The following JDP2 variants were observed in gnomAD, a reference collection of about 807,000 sequenced individuals.
JDP2 encodes the protein Jun dimerization protein 2, also known as progesterone receptor co-activator.
In JDP2, 9 loss-of-function variants were observed where a neutral mutation model predicts 17.1. The observed-to-expected ratio is 0.53, with a 90% CI of 0.32 to 0.92. The LOEUF (loss-of-function observed/expected upper bound fraction) is 0.92, where lower values mean the gene tolerates loss of function less well. JDP2 is among the 40% of genes least tolerant of loss of function. JDP2 has a pLI of 0.04. For missense variants in JDP2, 179 were observed against 220.0 expected (o/e 0.81, Z 1.18); for synonymous variants, 107 against 95.6 (o/e 1.12, Z -0.69).
intron 2 of JDP2, among the ~76,000 whole-genome samples, chr14:75,457,473 G>C (rs1886163245): frequency 6.6e-6 from 1 of 152,256 alleles, no homozygotes; most frequent in African/African-American, 2.4e-5. Context: ...CTTAACAGCT[G>C]TTTTCTACAC....
chr14:75,444,007 A>G (rs1885480648), intron 2 of JDP2, among the ~76,000 whole-genome samples: 1 of 152,038 alleles, frequency 6.6e-6, no homozygotes, highest in South Asian at 2.1e-4. Context: ...AGCTCAAGAA[A>G]TCCTCTCACC....
intron 2 of JDP2, among the ~76,000 whole-genome samples, chr14:75,454,190 T>C (rs1262390231): frequency 6.9e-5 from 3 of 43,608 alleles, no homozygotes; most frequent in African/African-American, 4.2e-4. Context: ...CTTTAAACCA[T>C]GGAGCTTGAA....
rs767129038 is a variant in JDP2, at chr14:75,469,516, G to C, written c.*41G>C. 1.3e-6 allele frequency: 2 copies of C among 1,590,526 alleles called. No homozygotes were observed. The highest frequency in any genetic ancestry group is 1.8e-5 in the Admixed American group (1 of 57,100). ...AGGTGGAGGAGGAGGAAGAGGAGAAGGAAAAGTGACGAAGAGAGAGGAGGA... is the reference window on the plus strand; with the variant it reads ...AGGTGGAGGAGGAGGAAGAGGAGAACGAAAAGTGACGAAGAGAGAGGAGGA... On this transcript the variant is annotated 3_prime_UTR_variant, in exon 4 of 4. Coordinates refer to ENST00000651602, the MANE Select transcript of JDP2 (RefSeq NM_001135048.2).
At position 75,441,257 on chromosome 14, in the gene JDP2, G is replaced by T. The variant is rs564925212; in HGVS notation, c.201+3136G>T. The stretch of plus-strand genomic sequence containing the variant: ...GCAGTCTCCTGGGCTCTGTCCAAAC[G>T]CATGGAGCAATTCAGTAAAAGAAAA... On this transcript the variant is annotated intron_variant, in intron 2 of 3. Coordinates refer to ENST00000651602, the MANE Select transcript of JDP2 (RefSeq NM_001135048.2). Among the ~76,000 whole-genome samples the T allele has an allele frequency of 6.6e-5, 10 of 152,284 alleles. No individual in the cohort carries two copies. The East Asian group carries it at 9.6e-4, about 15-fold the overall frequency.
At position 75,469,635 on chromosome 14, in the gene JDP2, A is replaced by T; in HGVS notation, c.*160A>T. On this transcript the variant is annotated 3_prime_UTR_variant, in exon 4 of 4. Coordinates refer to ENST00000651602, the MANE Select transcript of JDP2 (RefSeq NM_001135048.2). Reference sequence around the variant, plus strand: ...TCAGCCGAGCTTTTTTGTGAAACTCAGATCAGCCACCCAGGAGGAAGAGCG... The same window carrying T: ...TCAGCCGAGCTTTTTTGTGAAACTCTGATCAGCCACCCAGGAGGAAGAGCG... 1 of 650,720 alleles carries T rather than the reference A, an allele frequency of 1.5e-6. No individual in the cohort carries two copies. The highest frequency in any genetic ancestry group is 2.6e-6 in the Non-Finnish European group (1 of 386,446). 40.3% of individuals were successfully genotyped at this position (650,720 alleles called of 1,614,324 possible).
chr14:75,437,104 G>T (rs1885097544), intron 1 of JDP2, among the ~76,000 whole-genome samples: 1 of 145,726 alleles, frequency 6.9e-6, no homozygotes, highest in African/African-American at 2.6e-5. Context: ...TGAGACAGGA[G>T]AATTGCTTGA....
chr14:75,435,223 G>T (rs1336325040), intron 1 of JDP2, among the ~76,000 whole-genome samples: 1 of 152,234 alleles, frequency 6.6e-6, no homozygotes, highest in Non-Finnish European at 1.5e-5. Context: ...CTGCATTGCA[G>T]GTTCCATTCC....
At position 75,473,984 on chromosome 14, in the gene JDP2, C is replaced by T. The variant is rs938409295; in HGVS notation, c.*4509C>T. On this transcript the variant is annotated 3_prime_UTR_variant, in exon 4 of 4. Coordinates refer to ENST00000651602, the MANE Select transcript of JDP2 (RefSeq NM_001135048.2). Reference sequence around the variant, plus strand: ...CATTTCATTTATTTTTTTAAAATCCCCATCAAATGTAGAATGACAGGATTT... The same window carrying T: ...CATTTCATTTATTTTTTTAAAATCCTCATCAAATGTAGAATGACAGGATTT... The T allele has an allele frequency of 1.3e-5, 2 of 152,152 alleles. No homozygotes were observed. The highest frequency in any genetic ancestry group is 4.8e-5 in the African/African-American group (2 of 41,426). The allele number at this position is 152,152 out of a possible 1,614,324, so 9.4% of individuals were successfully genotyped here.
At chr14:75,432,233 G>A (rs568150351) in intron 1 of JDP2, 98 of 1,315,664 alleles carry the variant, frequency 7.4e-5, no homozygotes, top group East Asian at 2.5e-4. Flanking sequence ...TTTGGAAGCC[G>A]CGTGACCTAC....
Position 75,454,202 on chromosome 14 carries a change from G to A in JDP2, c.202-7224G>A, listed in dbSNP as rs150894815. Among the ~76,000 whole-genome samples the A allele has an allele frequency of 7.4e-3, 678 of 91,996 alleles. 3 individuals are homozygous for A. The highest frequency in any genetic ancestry group is 0.011 in the Non-Finnish European group (518 of 46,122). 60.4% of individuals were successfully genotyped at this position (91,996 alleles called of 152,430 possible). A position where few individuals can be genotyped will look rare whatever the true frequency, so the allele number is the denominator to read the frequency against. On this transcript the variant is annotated intron_variant, in intron 2 of 3. Transcript: ENST00000651602. ...CTCCTTTAAACCATGGAGCTTGAAT[G>A]TTACACCTTCATGTAAATTGTGCAA...
chr14:75,461,456 C>T lies in JDP2; in HGVS notation c.232C>T (p.Arg78Cys), dbSNP rs374893446. 9 of 1,609,360 alleles carry T rather than the reference C, an allele frequency of 5.6e-6. No homozygotes were observed. Among genetic ancestry groups the T allele is most frequent in the African/African-American group, 1.3e-5 (1 of 74,886 alleles). ...TGAGGAAGAGGAGCGAAGGAAAAGGCGCCGGGAGAAGAACAAAGTCGCAGC... is the reference window on the plus strand; with the variant it reads ...TGAGGAAGAGGAGCGAAGGAAAAGGTGCCGGGAGAAGAACAAAGTCGCAGC... ...LDEEEERRKR[R>C]REKNKVAAAR... The change falls in exon 3 of 4, where the codon CGC (arginine) becomes TGC (cysteine). Residue 78 changes from arginine to cysteine, a missense_variant. By Grantham distance (180) the Arg-to-Cys change is radical. Coordinates refer to ENST00000651602, the MANE Select transcript of JDP2 (RefSeq NM_001135048.2).
Position 75,473,966 on chromosome 14 carries a change from T to C in JDP2, c.*4491T>C, listed in dbSNP as rs534227217. 1 of 152,346 alleles carries C rather than the reference T, an allele frequency of 6.6e-6. No homozygotes were observed. The highest frequency in any genetic ancestry group is 6.5e-5 in the Admixed American group (1 of 15,302). The allele number at this position is 152,346 out of a possible 1,614,324, so 9.4% of individuals were successfully genotyped here. ...CTTCAACTATACACATAACATTTCA[T>C]TTATTTTTTTAAAATCCCCATCAAA... On this transcript the variant is annotated 3_prime_UTR_variant, in exon 4 of 4. Coordinates refer to ENST00000651602, the MANE Select transcript of JDP2 (RefSeq NM_001135048.2).
chr14:75,443,862 C>T (rs1169068226), intron 2 of JDP2, among the ~76,000 whole-genome samples: 1 of 152,026 alleles, frequency 6.6e-6, no homozygotes, highest in African/African-American at 2.4e-5. Context: ...CTATTAATAT[C>T]TTAAAGTGAG....
At chr14:75,440,388 G>A (rs1411209266) in intron 2 of JDP2, among the ~76,000 whole-genome samples, 2 of 152,214 alleles carry the variant, frequency 1.3e-5, no homozygotes, top group Non-Finnish European at 2.9e-5. Flanking sequence ...AACCTAAAGC[G>A]GGGTGGGGAA....
intron 2 of JDP2, among the ~76,000 whole-genome samples, chr14:75,448,050 A>C (rs538601163): frequency 6.6e-6 from 1 of 152,356 alleles, no homozygotes; most frequent in African/African-American, 2.4e-5. Flanking sequence ...TAATTTGGAT[A>C]CGAGATTATC....
chr14:75,459,670 C>A lies in JDP2; in HGVS notation c.202-1756C>A, dbSNP rs369738844. Among the ~76,000 whole-genome samples the A allele has an allele frequency of 1.4e-4, 22 of 152,358 alleles. No homozygotes were observed. In the East Asian group the frequency reaches 2.1e-3, roughly 15 times the overall value. On this transcript the variant is annotated intron_variant, in intron 2 of 3. Coordinates refer to ENST00000651602, the MANE Select transcript of JDP2 (RefSeq NM_001135048.2). The stretch of plus-strand genomic sequence containing the variant: ...GCCTTGGGCTGCCAGAGTCACCCCC[C>A]ACACCCTCCTCCCTGGCTGGAGAAG...
intron 2 of JDP2, 52 bp from the exon 3 acceptor site, chr14:75,461,374 C>A: frequency 7.2e-7 from 1 of 1,380,552 alleles, no homozygotes; most frequent in Non-Finnish European, 1.0e-6. Flanking sequence ...AGGACAGAAA[C>A]TGTACTCCAA....
chr14:75,439,620 G>T (rs1126339), intron 2 of JDP2, among the ~76,000 whole-genome samples: 1 of 151,996 alleles, frequency 6.6e-6, no homozygotes, highest in Non-Finnish European at 1.5e-5. Context: ...CTCAAGACAC[G>T]TGGATAAGGT....
intron 3 of JDP2, 128 bp downstream of exon 3, chr14:75,461,658 T>C (rs1306432516): frequency 1.4e-6 from 1 of 712,586 alleles, no homozygotes; most frequent in Non-Finnish European, 2.4e-6. Context: ...AAAGCAGCCT[T>C]GGCCCCTCTG....
Sources: allele counts gnomAD v4.1 joint callset (sites outside exome capture counted in the v4.1 genomes callset), GRCh38; gene constraint gnomAD v4.1.1; transcripts MANE v1.5; gene names NCBI Gene and HGNC (gene_info 2026-07-23, HGNC 2026-07-21).